The following ZNF735 variants were observed in gnomAD, a reference collection of about 807,000 sequenced individuals.
ZNF735 encodes the protein zinc finger protein 735.
In ZNF735, 11 loss-of-function variants were observed where a neutral mutation model predicts 13.4. That is an observed-to-expected ratio of 0.82 (90% CI 0.52 to 1.36). The LOEUF (loss-of-function observed/expected upper bound fraction) is 1.36. Ranked by LOEUF, ZNF735 falls within the 40% of genes most tolerant of loss-of-function variation. The pLI is 0.00. For synonymous variants in ZNF735, 171 were observed against 162.6 expected, an observed-to-expected ratio of 1.05 and a Z score of -0.39; for missense variants, 500 against 484.6, an observed-to-expected ratio of 1.03 and a Z score of -0.30.
intron 3 of ZNF735, among the ~76,000 whole-genome samples, chr7:64,218,633 T>C (rs1339638131): frequency 6.6e-6 from 1 of 152,142 alleles, no homozygotes; most frequent in Non-Finnish European, 1.5e-5. Context: ...TTTATTTTTA[T>C]AGTTGCTTTT....
chr7:64,208,964 A>G (rs1423058398), intron 1 of ZNF735, among the ~76,000 whole-genome samples: 1 of 152,196 alleles, frequency 6.6e-6, no homozygotes, highest in Non-Finnish European at 1.5e-5. Flanking sequence ...TATCCAGTCT[A>G]CCACTGAAGA....
chr7:64,211,252 T>A (rs989393121), intron 1 of ZNF735, among the ~76,000 whole-genome samples: 1 of 152,260 alleles, frequency 6.6e-6, no homozygotes, highest in African/African-American at 2.4e-5. Context: ...GTTCCCATTG[T>A]AGCTGTTGAA....
At chr7:64,209,103 G>A (rs903767309) in intron 1 of ZNF735, among the ~76,000 whole-genome samples, 1 of 152,098 alleles carries the variant, frequency 6.6e-6, no homozygotes, top group African/African-American at 2.4e-5. Context: ...ACTGGGAATG[G>A]TAATTCTGTT....
intron 3 of ZNF735, among the ~76,000 whole-genome samples, chr7:64,217,228 C>T (rs1303721194): frequency 6.6e-6 from 1 of 152,172 alleles, no homozygotes; most frequent in African/African-American, 2.4e-5. Flanking sequence ...ACCTCACACT[C>T]GCATCATCTT....
In ZNF735 at chr7:64,208,252, T is replaced by TC. The variant is rs1562831236; in HGVS notation, c.39+1011_39+1012insC. Among the ~76,000 whole-genome samples the TC allele has an allele frequency of 1.0e-4, 6 of 57,516 alleles. No homozygotes were observed. The East Asian group carries it at 2.0e-3, about 19-fold the overall frequency. The allele number at this position is 57,516 out of a possible 152,430, so 37.7% of individuals were successfully genotyped here. ...AGTAATCTCCAATAAATGTTTTTTT[T>TC]TTTTTTTTTTTTTTTTTTTTTTGGA... On this transcript the variant is annotated intron_variant, in intron 1 of 3. Coordinates refer to ENST00000429565, the Ensembl canonical transcript of ZNF735.
rs1043376746 is a variant in ZNF735, at chr7:64,214,201, C to T, written c.262+93C>T. 2.6e-5 allele frequency: 34 copies of T among 1,304,648 alleles called. No individual in the cohort carries two copies. In the African/African-American group the frequency reaches 4.7e-4, roughly 18 times the overall value. 80.8% of individuals were successfully genotyped at this position (1,304,648 alleles called of 1,614,324 possible). A position where few individuals can be genotyped will look rare whatever the true frequency, so the allele number is the denominator to read the frequency against. On this transcript the variant is annotated intron_variant, in intron 3 of 3. Transcript: ENST00000429565. ...TTAAAATGTGGTCTGCAGAGCTGTG[C>T]TTTTATGGAAAGAGTTTCTGAGAAG...
intron 3 of ZNF735, among the ~76,000 whole-genome samples, chr7:64,216,862 T>C (rs1235080470): frequency 6.6e-6 from 1 of 152,162 alleles, no homozygotes; most frequent in African/African-American, 2.4e-5. Context: ...CACCTTTGCC[T>C]CCCAAAGTAC....
At chr7:64,207,941 C>A (rs1452174657) in intron 1 of ZNF735, among the ~76,000 whole-genome samples, 1 of 151,592 alleles carries the variant, frequency 6.6e-6, no homozygotes, top group Non-Finnish European at 1.5e-5. Context: ...GAGCCGAGAT[C>A]GCGCCATTGT....
At chr7:64,216,021 C>T (rs912039090) in intron 3 of ZNF735, among the ~76,000 whole-genome samples, 3 of 152,016 alleles carry the variant, frequency 2.0e-5, no homozygotes, top group African/African-American at 4.8e-5. Context: ...TTAGGTCAAG[C>T]GTGGTGGCTC....
rs1787308969 is a variant in ZNF735, at chr7:64,207,948, T to C, written c.39+707T>C. 4.6e-5 allele frequency among the ~76,000 whole-genome samples: 7 copies of C among 151,710 alleles called. No homozygotes were observed. In the South Asian group the frequency reaches 1.5e-3, roughly 32 times the overall value. Reference sequence around the variant, plus strand: ...GTTGCAGTGAGCCGAGATCGCGCCATTGTACTCCAGCCTGGGCGACAAAGC... The same window carrying C: ...GTTGCAGTGAGCCGAGATCGCGCCACTGTACTCCAGCCTGGGCGACAAAGC... On this transcript the variant is annotated intron_variant, in intron 1 of 3. Transcript: ENST00000429565.
intron 1 of ZNF735, among the ~76,000 whole-genome samples, chr7:64,211,162 C>G (rs1476526343): frequency 6.6e-6 from 1 of 152,130 alleles, no homozygotes; most frequent in Non-Finnish European, 1.5e-5. Flanking sequence ...CTGTAGCGTT[C>G]TATACATTCT....
At chr7:64,211,901 ATATATATTTAT>A (rs1388322417) in intron 1 of ZNF735, among the ~76,000 whole-genome samples, 1 of 148,854 alleles carries the variant, frequency 6.7e-6, no homozygotes, top group African/African-American at 2.4e-5. Context: ...ATATATATAT[ATATATATTTAT>A]TTATTTAAAT....
At chr7:64,218,588 G>A (rs1442207226) in intron 3 of ZNF735, among the ~76,000 whole-genome samples, 1 of 151,544 alleles carries the variant, frequency 6.6e-6, no homozygotes. Flanking sequence ...GCAAAATATG[G>A]ATTATCTTAA....
exon 4 of ZNF735, chr7:64,220,287 A>T (rs781233850): frequency 6.2e-7 from 1 of 1,603,782 alleles, no homozygotes; most frequent in Non-Finnish European, 8.5e-7. Flanking sequence ...ACAAATGTAA[A>T]TAATGTGGCA....
chr7:64,209,704 G>C (rs1787334547), intron 1 of ZNF735, among the ~76,000 whole-genome samples: 1 of 152,118 alleles, frequency 6.6e-6, no homozygotes, highest in Admixed American at 6.5e-5. Flanking sequence ...ACTTTTGCGA[G>C]TGTTGAAGTT....
At chr7:64,212,575 G>T (rs1232488158) in intron 1 of ZNF735, among the ~76,000 whole-genome samples, 1 of 151,946 alleles carries the variant, frequency 6.6e-6, no homozygotes, top group African/African-American at 2.4e-5. Context: ...AGTGGATCAC[G>T]TGAGGTCAGG....
At chr7:64,216,062 G>A (rs1053076543) in intron 3 of ZNF735, among the ~76,000 whole-genome samples, 6 of 152,100 alleles carry the variant, frequency 3.9e-5, no homozygotes, top group Non-Finnish European at 7.4e-5. Context: ...TTGGGAGGCT[G>A]AGGCGGGTGG....
At position 64,207,247 on chromosome 7, in the gene ZNF735, T is replaced by C. The variant is rs1787299150; in HGVS notation, c.39+6T>C. On this transcript the variant is annotated splice_donor_region_variant and intron_variant, in intron 1 of 3. Coordinates refer to ENST00000429565, the Ensembl canonical transcript of ZNF735. ...CCCCTGGAAGCCGAGAAATGGTGAGTGCTGGGTCTGTCATCGTGAGAGAGG... is the reference window on the plus strand; with the variant it reads ...CCCCTGGAAGCCGAGAAATGGTGAGCGCTGGGTCTGTCATCGTGAGAGAGG... 6.2e-7 allele frequency: 1 copy of C among 1,613,884 alleles called. No individual in the cohort carries two copies.
At chr7:64,215,291 C>T (rs1787406757) in intron 3 of ZNF735, among the ~76,000 whole-genome samples, 1 of 152,094 alleles carries the variant, frequency 6.6e-6, no homozygotes, top group Admixed American at 6.6e-5. Context: ...TTACTGACCT[C>T]AGGTGATCTG....
Sources: allele counts gnomAD v4.1 joint callset (sites outside exome capture counted in the v4.1 genomes callset), GRCh38; gene constraint gnomAD v4.1.1; transcripts MANE v1.5; gene names NCBI Gene and HGNC (gene_info 2026-07-23, HGNC 2026-07-21).